The following NHS variants were observed in gnomAD, a reference collection of about 807,000 sequenced individuals.
NHS encodes the protein NHS actin remodeling regulator.
NHS carries 5 observed loss-of-function variants against 72.5 expected under a neutral mutation model. That is an observed-to-expected ratio of 0.07 (90% CI 0.04 to 0.14). The LOEUF (loss-of-function observed/expected upper bound fraction) is 0.14. Among genes scored for constraint, NHS ranks in the 10% least tolerant of loss-of-function variants. The pLI is 1.00. For synonymous variants in NHS, 464 were observed against 547.7 expected, an observed-to-expected ratio of 0.85 and a Z score of 2.13; for missense variants, 1,072 against 1,355.7, an observed-to-expected ratio of 0.79 and a Z score of 3.29.
intron 1 of NHS, among the ~76,000 whole-genome samples, chrX:17,679,761 G>A (rs1429968632): frequency 9.2e-6 from 1 of 108,248 alleles, no homozygotes; most frequent in African/African-American, 3.4e-5. Flanking sequence ...ATGCAAAAGA[G>A]ACAGAACACA....
At chrX:17,454,394 A>G (rs775562876) in intron 1 of NHS, among the ~76,000 whole-genome samples, 28 of 111,981 alleles carry the variant, frequency 2.5e-4, no homozygotes, top group African/African-American at 9.1e-4. Flanking sequence ...TCCCAGGTGG[A>G]CATTCACATA....
chrX:17,633,829 C>G (rs752754543), intron 1 of NHS, among the ~76,000 whole-genome samples: 1 of 111,796 alleles, frequency 8.9e-6, no homozygotes, highest in Admixed American at 9.5e-5. Flanking sequence ...CTTTCATTCG[C>G]GACAGTCTTT....
At chrX:17,427,218 C>T (rs1441719599) in intron 1 of NHS, among the ~76,000 whole-genome samples, 1 of 111,507 alleles carries the variant, frequency 9.0e-6, no homozygotes, top group Admixed American at 9.5e-5. Context: ...ATTGAGGCTA[C>T]ACTTAATGGA....
At chrX:17,475,141 G>C (rs1157017228) in intron 1 of NHS, among the ~76,000 whole-genome samples, 1 of 112,103 alleles carries the variant, frequency 8.9e-6, no homozygotes, top group Non-Finnish European at 1.9e-5. Context: ...CAGTGGCATA[G>C]ATAGGCAAAG....
At chrX:17,429,801 AT>A (rs1246589895) in intron 1 of NHS, among the ~76,000 whole-genome samples, 2 of 110,826 alleles carry the variant, frequency 1.8e-5, no homozygotes, top group Non-Finnish European at 3.8e-5. Context: ...TGGCCTTCCC[AT>A]TTTTCTACCC....
At chrX:17,558,318 A>C (rs986519920) in intron 1 of NHS, among the ~76,000 whole-genome samples, 3 of 112,257 alleles carry the variant, frequency 2.7e-5, no homozygotes, top group African/African-American at 9.7e-5. Flanking sequence ...TGTACATCAT[A>C]ATCAATGACA....
At chrX:17,433,650 G>A (rs2064705841) in intron 1 of NHS, among the ~76,000 whole-genome samples, 1 of 111,509 alleles carries the variant, frequency 9.0e-6, no homozygotes, top group Admixed American at 9.5e-5. Flanking sequence ...CCTGCACTTG[G>A]TTTAGGATCA....
intron 1 of NHS, among the ~76,000 whole-genome samples, chrX:17,486,622 C>T (rs1327161607): frequency 8.9e-6 from 1 of 111,733 alleles, no homozygotes; most frequent in African/African-American, 3.3e-5. Context: ...CAGCCCACAT[C>T]GTATTTGCCA....
chrX:17,646,206 C>T (rs765439673), intron 1 of NHS, among the ~76,000 whole-genome samples: 3 of 111,897 alleles, frequency 2.7e-5, no homozygotes, highest in Non-Finnish European at 5.6e-5. Flanking sequence ...CCTCCCAAAG[C>T]GCTGGGATTA....
intron 3 of NHS, among the ~76,000 whole-genome samples, chrX:17,711,644 T>C (rs928122845): frequency 6.3e-5 from 7 of 111,946 alleles, no homozygotes; most frequent in South Asian, 3.8e-4. Context: ...AACTGCACCA[T>C]TGTCATCGCC....
intron 3 of NHS, among the ~76,000 whole-genome samples, chrX:17,712,268 TATATATATATATATATATATATAC>T (rs1320924932): frequency 2.6e-5 from 2 of 77,423 alleles, no homozygotes; most frequent in African/African-American, 9.1e-5. Context: ...TATATATATA[TATATATATATATATATATATATAC>T]ACACACACAC....
chrX:17,565,786 G>C (rs959861214), intron 1 of NHS, among the ~76,000 whole-genome samples: 9 of 112,167 alleles, frequency 8.0e-5, no homozygotes, highest in African/African-American at 2.9e-4. Flanking sequence ...CATATGTTCT[G>C]CCCATGAATA....
chrX:17,600,992 G>C (rs1275035992), intron 1 of NHS, among the ~76,000 whole-genome samples: 1 of 112,010 alleles, frequency 8.9e-6, no homozygotes, highest in East Asian at 2.8e-4. Flanking sequence ...CAAGCAATTT[G>C]TCAGACTGGT....
chrX:17,523,473 T>C (rs1029545497), intron 1 of NHS, among the ~76,000 whole-genome samples: 12 of 111,630 alleles, frequency 1.1e-4, no homozygotes, highest in South Asian at 3.8e-4. Context: ...CACAGCAGGA[T>C]TGCTTATCTC....
intron 1 of NHS, among the ~76,000 whole-genome samples, chrX:17,614,862 G>A (rs2065729919): frequency 1.8e-5 from 2 of 109,758 alleles, no homozygotes; most frequent in East Asian, 5.8e-4. Flanking sequence ...CTTCCAAAGA[G>A]TTTGCAGTGC....
At chrX:17,611,870 G>A (rs1280898461) in intron 1 of NHS, among the ~76,000 whole-genome samples, 2 of 112,038 alleles carry the variant, frequency 1.8e-5, no homozygotes, top group Non-Finnish European at 3.8e-5. Flanking sequence ...AAAGATGTCA[G>A]TGTTGGTTGC....
chrX:17,513,342 G>A (rs1030021211), intron 1 of NHS, among the ~76,000 whole-genome samples: 4 of 110,707 alleles, frequency 3.6e-5, no homozygotes, highest in South Asian at 7.6e-4. Context: ...TTTCTCCCAC[G>A]TGTAGCTCTA....
Position 17,496,959 on chromosome X carries a change from G to A in NHS, c.565+120637G>A, listed in dbSNP as rs769180006. 6.3e-5 allele frequency among the ~76,000 whole-genome samples: 7 copies of A among 111,888 alleles called. No individual in the cohort carries two copies. In the East Asian group the frequency reaches 1.4e-3, roughly 23 times the overall value. On this transcript the variant is annotated intron_variant, in intron 1 of 8. Coordinates refer to ENST00000676302, the MANE Select transcript of NHS (RefSeq NM_001291867.2). ...TAAACTAAAATGGGAAAACCCTGGC[G>A]GAAGAAAAATTGTGTCTGTGGTTCA...
chrX:17,394,445 A>T (rs1302301205), intron 1 of NHS, among the ~76,000 whole-genome samples: 1 of 112,482 alleles, frequency 8.9e-6, no homozygotes, highest in Non-Finnish European at 1.9e-5. Flanking sequence ...CTTCAAATAT[A>T]GAGGTGACTA....
Sources: allele counts gnomAD v4.1 joint callset (sites outside exome capture counted in the v4.1 genomes callset), GRCh38; gene constraint gnomAD v4.1.1; transcripts MANE v1.5; gene names NCBI Gene and HGNC (gene_info 2026-07-23, HGNC 2026-07-21).